PEX5L: variants seen among roughly 807,000 people sequenced by gnomAD.
The protein encoded by PEX5L is PEX5-related protein.
In PEX5L, 30 loss-of-function variants were observed where a neutral mutation model predicts 84.0. That is an observed-to-expected ratio of 0.36 (90% CI 0.27 to 0.48). PEX5L has a LOEUF of 0.48. PEX5L is among the 20% of genes least tolerant of loss of function. The probability of loss-of-function intolerance (pLI) is 0.99; values close to 1 mark genes in which losing one functional copy is unlikely to be tolerated. For missense variants in PEX5L, 533 were observed against 754.6 expected (o/e 0.71, Z 3.44); for synonymous variants, 270 against 283.1 (o/e 0.95, Z 0.46).
intron 2 of PEX5L, among the ~76,000 whole-genome samples, chr3:179,964,646 A>G (rs186797470): frequency 2.0e-5 from 3 of 152,348 alleles, no homozygotes; most frequent in Admixed American, 1.3e-4. Flanking sequence ...AAGGACATGA[A>G]TAGACACTTT....
chr3:179,856,911 A>T (rs1001289443), intron 8 of PEX5L, among the ~76,000 whole-genome samples: 1 of 152,218 alleles, frequency 6.6e-6, no homozygotes, highest in Admixed American at 6.5e-5. Context: ...CTTACAGGTG[A>T]TATGAAACTA....
chr3:179,874,385 C>T lies in PEX5L; in HGVS notation c.668G>A (p.Gly223Glu), dbSNP rs1751423412. Residue 223 changes from glycine to glutamate, a missense_variant, in exon 7 of 15, where the codon GGA becomes GAA. By Grantham distance (98) the Gly-to-Glu change is moderately conservative (BLOSUM62 -2). This residue lies in a region of PEX5L where 259 missense variants were observed against 301.7 expected (regional missense o/e 0.86). Coordinates refer to ENST00000467460, the MANE Select transcript of PEX5L (RefSeq NM_016559.3). ...CGACTCAGAGTTGAGGGCGCTTTTT[C>T]CACCACTCAGTTCTGGTTGAGATCT... ...EHRSQPELSG[G>E]KSALNSESAS... is the part of the protein sequence containing the mutation. The T allele has an allele frequency of 1.2e-6, 2 of 1,612,498 alleles. No individual in the cohort carries two copies. Among genetic ancestry groups the T allele is most frequent in the Non-Finnish European group, 1.7e-6 (2 of 1,178,996 alleles).
At chr3:179,924,912 G>A (rs868705447) in intron 2 of PEX5L, among the ~76,000 whole-genome samples, 26 of 152,262 alleles carry the variant, frequency 1.7e-4, no homozygotes, top group South Asian at 1.0e-3. Context: ...GGCAAAGTAA[G>A]AAGAAAGCAA....
intron 2 of PEX5L, among the ~76,000 whole-genome samples, chr3:179,926,907 T>C (rs1202634308): frequency 6.6e-6 from 1 of 152,222 alleles, no homozygotes; most frequent in Non-Finnish European, 1.5e-5. Context: ...TTCTGGGTAA[T>C]GCCCCATTTT....
intron 1 of PEX5L, among the ~76,000 whole-genome samples, chr3:179,993,406 A>C (rs1226754498): frequency 6.6e-6 from 1 of 152,214 alleles, no homozygotes; most frequent in Non-Finnish European, 1.5e-5. Flanking sequence ...AGGACTCCTC[A>C]TAGATACCAA....
chr3:180,028,784 T>C (rs1791189773), intron 1 of PEX5L, among the ~76,000 whole-genome samples: 1 of 152,236 alleles, frequency 6.6e-6, no homozygotes, highest in Non-Finnish European at 1.5e-5. Context: ...AAATTGAACA[T>C]TAACACCATC....
intron 8 of PEX5L, among the ~76,000 whole-genome samples, chr3:179,829,529 G>T (rs1577343499): frequency 6.6e-6 from 1 of 152,156 alleles, no homozygotes; most frequent in African/African-American, 2.4e-5. Context: ...ACACTTTGCT[G>T]ATAGGGCTGT....
In PEX5L at chr3:179,879,935, C is replaced by G. The variant is rs1351028053; in HGVS notation, c.499G>C (p.Asp167His). 1.3e-6 allele frequency: 2 copies of G among 1,583,242 alleles called. No individual in the cohort carries two copies. The highest frequency in any genetic ancestry group is 1.4e-5 in the African/African-American group (1 of 73,384). Reference protein sequence around the residue: ...PLRVPETSSLDLDIQTQLEKW... With the variant: ...PLRVPETSSLHLDIQTQLEKW... The stretch of plus-strand genomic sequence containing the variant: ...CCGCAAGCGATTGCCTTACCTAGAT[C>G]TAAGGATGAAGTCTCCGGGACTCTG... The change falls in exon 5 of 15, where the codon GAT (aspartate) becomes CAT (histidine). Residue 167 changes from aspartate (D) to histidine (H), a missense_variant. Physicochemically the swap from Asp to His is moderately conservative, Grantham distance 81 (BLOSUM62 -1). Transcript: ENST00000467460.
At chr3:180,029,163 G>C (rs1004640330) in intron 1 of PEX5L, among the ~76,000 whole-genome samples, 1 of 152,004 alleles carries the variant, frequency 6.6e-6, no homozygotes, top group African/African-American at 2.4e-5. Flanking sequence ...TAAGGGAATG[G>C]GGACATAATA....
chr3:179,964,137 G>C (rs530135155), intron 2 of PEX5L, among the ~76,000 whole-genome samples: 6 of 151,892 alleles, frequency 4.0e-5, no homozygotes, highest in African/African-American at 1.4e-4. Flanking sequence ...GCAGTTTTTT[G>C]GTCCTCACCC....
intron 8 of PEX5L, among the ~76,000 whole-genome samples, chr3:179,828,059 C>A (rs961072869): frequency 6.6e-6 from 1 of 152,130 alleles, no homozygotes; most frequent in Non-Finnish European, 1.5e-5. Context: ...GTCTGATCAC[C>A]TGGCCTGCCT....
At chr3:179,964,625 A>G (rs1442390674) in intron 2 of PEX5L, among the ~76,000 whole-genome samples, 6 of 152,194 alleles carry the variant, frequency 3.9e-5, no homozygotes, top group African/African-American at 1.4e-4. Context: ...TACTCCATTA[A>G]AAAGTGGGAA....
chr3:179,975,487 C>T (rs1454369570), intron 1 of PEX5L, among the ~76,000 whole-genome samples: 1 of 152,130 alleles, frequency 6.6e-6, no homozygotes, highest in Admixed American at 6.5e-5. Context: ...GCTAATTGTA[C>T]AAATTAGCCC....
intron 2 of PEX5L, among the ~76,000 whole-genome samples, chr3:179,952,324 ATTT>A (rs889169019): frequency 1.3e-5 from 2 of 150,988 alleles, no homozygotes; most frequent in Admixed American, 1.3e-4. Flanking sequence ...ATATTTTTGG[ATTT>A]TTTTTTTAAA....
chr3:180,020,268 T>C (rs1375570475), intron 1 of PEX5L, among the ~76,000 whole-genome samples: 2 of 152,074 alleles, frequency 1.3e-5, no homozygotes, highest in Non-Finnish European at 2.9e-5. Flanking sequence ...TACAACAAAA[T>C]ATTAGAACTA....
At chr3:179,992,141 A>G (rs1021643452) in intron 1 of PEX5L, among the ~76,000 whole-genome samples, 1 of 152,220 alleles carries the variant, frequency 6.6e-6, no homozygotes, top group African/African-American at 2.4e-5. Context: ...GTAGAGACAC[A>G]GAAAGCAGAT....
At position 179,802,166 on chromosome 3, in the gene PEX5L, C is replaced by T. The variant is rs568628278; in HGVS notation, c.1677-134G>A. On this transcript the variant is annotated intron_variant, in intron 14 of 14. Coordinates refer to ENST00000467460, the MANE Select transcript of PEX5L (RefSeq NM_016559.3). ...TCACCTCTTACGTGTTCTGGATGAT[C>T]AAATGAACAACTTTCTAATTCTCTT... is the stretch of plus-strand genomic sequence containing the variant. 25 of 654,446 alleles carry T rather than the reference C, an allele frequency of 3.8e-5. No individual in the cohort carries two copies. The Admixed American group carries it at 5.6e-4, about 15-fold the overall frequency. 40.5% of individuals were successfully genotyped at this position (654,446 alleles called of 1,614,324 possible). A position where few individuals can be genotyped will look rare whatever the true frequency, so the allele number is the denominator to read the frequency against.
intron 1 of PEX5L, chr3:179,974,164 C>T: frequency 1.0e-6 from 1 of 985,470 alleles, no homozygotes; most frequent in Non-Finnish European, 1.2e-6. Context: ...TTGTCAAGCA[C>T]AAAAAGCAAG....
chr3:179,879,275 A>T (rs1389967045), intron 5 of PEX5L, among the ~76,000 whole-genome samples: 1 of 152,150 alleles, frequency 6.6e-6, no homozygotes, highest in African/African-American at 2.4e-5. Flanking sequence ...TTCTCAGAGG[A>T]GGTAGAATAC....
Sources: allele counts gnomAD v4.1 joint callset (sites outside exome capture counted in the v4.1 genomes callset), GRCh38; gene constraint gnomAD v4.1.1; regional missense constraint gnomAD v4.1.1; transcripts MANE v1.5; gene names NCBI Gene and HGNC (gene_info 2026-07-23, HGNC 2026-07-21).